Variants in ANKRD28 observed in about 807,000 individuals in gnomAD.
The protein encoded by ANKRD28 is ankyrin repeat domain 28, also known as serine/threonine-protein phosphatase 6 regulatory ankyrin repeat subunit A.
A neutral mutation model predicts 126.5 loss-of-function variants in ANKRD28; 44 were observed. The observed-to-expected ratio is 0.35, with a 90% CI of 0.27 to 0.45. The LOEUF (loss-of-function observed/expected upper bound fraction) is 0.45. ANKRD28 is among the 20% of genes least tolerant of loss of function. The pLI is 1.00. For missense variants in ANKRD28, 1,110 were observed against 1,316.6 expected (o/e 0.84, Z 2.43); for synonymous variants, 442 against 468.5 (o/e 0.94, Z 0.73).
chr3:15,671,247 CCACAAAGTGTCAA>C (rs1465084959), intron 27 of ANKRD28, among the ~76,000 whole-genome samples: 1 of 152,098 alleles, frequency 6.6e-6, no homozygotes, highest in African/African-American at 2.4e-5. Context: ...TCGTAAGTTA[CCACAAAGTGTCAA>C]CACAGCAAAC....
intron 1 of ANKRD28, among the ~76,000 whole-genome samples, chr3:15,844,289 A>C (rs1425312783): frequency 6.6e-6 from 1 of 152,186 alleles, no homozygotes; most frequent in African/African-American, 2.4e-5. Context: ...TATTATACAT[A>C]ATGTTGCTCA....
intron 11 of ANKRD28, 92 bp from the exon 12 acceptor site, chr3:15,711,366 C>G (rs2072253264): frequency 1.6e-5 from 18 of 1,091,788 alleles, no homozygotes; most frequent in Middle Eastern, 2.6e-4. Context: ...ATCCTCCCCT[C>G]CAATCCCAAA....
At chr3:15,785,699 A>AT (rs144825505) in intron 2 of ANKRD28, among the ~76,000 whole-genome samples, 9,512 of 152,140 alleles carry the variant, frequency 0.063, 411 homozygotes, top group Middle Eastern at 0.14. Context: ...CAATCATGTT[A>AT]TTTGATTTTA....
intron 6 of ANKRD28, among the ~76,000 whole-genome samples, chr3:15,725,180 T>C (rs545302776): frequency 8.5e-5 from 13 of 152,292 alleles, no homozygotes; most frequent in Middle Eastern, 3.4e-3. Context: ...ACTATTTACA[T>C]TGTATTAGGT....
chr3:15,680,603 T>TA (rs549935194), intron 21 of ANKRD28, among the ~76,000 whole-genome samples: 1 of 152,178 alleles, frequency 6.6e-6, no homozygotes, highest in East Asian at 1.9e-4. Context: ...ATTGCTAGTT[T>TA]AAAAAAATTC....
At chr3:15,677,091 G>T in intron 25 of ANKRD28, 35 bp from the exon 26 acceptor site, 1 of 1,553,266 alleles carries the variant, frequency 6.4e-7, no homozygotes, top group Non-Finnish European at 8.9e-7. Flanking sequence ...AAAAACTTGA[G>T]CACCATTAAA....
chr3:15,822,616 A>G (rs2060969062), intron 1 of ANKRD28, among the ~76,000 whole-genome samples: 1 of 152,162 alleles, frequency 6.6e-6, no homozygotes, highest in African/African-American at 2.4e-5. Flanking sequence ...GTCCCAGAGG[A>G]AGGCCAGACA....
rs934918294 is a variant in ANKRD28, at chr3:15,803,992, A to T, written c.28-8686T>A. Among the ~76,000 whole-genome samples, 13 of 145,328 alleles carry T rather than the reference A, an allele frequency of 8.9e-5. 1 individual carries two copies. Among genetic ancestry groups the T allele is most frequent in the African/African-American group, 3.3e-4 (13 of 38,838 alleles). On this transcript the variant is annotated intron_variant, in intron 1 of 27. Coordinates refer to the ANKRD28 transcript ENST00000399451. ...GAATGGTGAGATCTGGCTCAATTCT[A>T]CTCAATCCAGTACACTGAAATTATC...
intron 1 of ANKRD28, among the ~76,000 whole-genome samples, chr3:15,850,146 T>C (rs2061606046): frequency 1.4e-5 from 2 of 146,476 alleles, no homozygotes; most frequent in Admixed American, 1.4e-4. Context: ...AAAGATTACC[T>C]TTTTCAACAA....
rs1283098036 is a variant in ANKRD28, at chr3:15,686,324, T to G, written c.1964-15A>C. 5 of 1,534,960 alleles carry G rather than the reference T, an allele frequency of 3.3e-6. No individual in the cohort carries two copies. Among genetic ancestry groups the G allele is most frequent in the Non-Finnish European group, 4.4e-6 (5 of 1,127,352 alleles). On this transcript the variant is annotated splice_polypyrimidine_tract_variant and intron_variant, in intron 18 of 27. Coordinates refer to ENST00000683139, the MANE Select transcript of ANKRD28 (RefSeq NM_001349278.2). ...ACCATTTGTTGCTGTAAAGTGAAAT[T>G]TAAACATTTCAGTAATTACATATAA...
intron 18 of ANKRD28, among the ~76,000 whole-genome samples, chr3:15,687,083 C>T (rs867817702): frequency 6.6e-6 from 1 of 151,942 alleles, no homozygotes; most frequent in African/African-American, 2.4e-5. Flanking sequence ...GCTGGGATTA[C>T]AGGCGCCTGC....
At chr3:15,757,682 G>A (rs77973976) in intron 3 of ANKRD28, among the ~76,000 whole-genome samples, 7,730 of 152,092 alleles carry the variant, frequency 0.051, 652 homozygotes, top group African/African-American at 0.17. Flanking sequence ...TAAGAAGTGG[G>A]CCCTCACCAG....
intron 24 of ANKRD28, among the ~76,000 whole-genome samples, chr3:15,677,813 A>C (rs9879240): frequency 0.041 from 6,276 of 152,244 alleles, 418 homozygotes; most frequent in African/African-American, 0.14. Context: ...CTAAATTTTA[A>C]ATACTGTTTT....
intron 18 of ANKRD28, 105 bp downstream of exon 18, chr3:15,689,914 A>G: frequency 9.3e-7 from 1 of 1,076,606 alleles, no homozygotes; most frequent in Non-Finnish European, 1.3e-6. Flanking sequence ...AAAAAAAAAA[A>G]GGTCAAAATT....
At chr3:15,773,292 G>T (rs1369703338) in intron 2 of ANKRD28, among the ~76,000 whole-genome samples, 1 of 152,110 alleles carries the variant, frequency 6.6e-6, no homozygotes, top group Non-Finnish European at 1.5e-5. Context: ...AAAAGAGAAA[G>T]AAGGAAAATA....
intron 9 of ANKRD28, among the ~76,000 whole-genome samples, 175 bp downstream of exon 9, chr3:15,714,403 G>A (rs1233820329): frequency 6.6e-6 from 1 of 151,882 alleles, no homozygotes; most frequent in Non-Finnish European, 1.5e-5. Flanking sequence ...GAAAGATACA[G>A]CTACGTGGTA....
intron 1 of ANKRD28, among the ~76,000 whole-genome samples, chr3:15,850,213 A>ATATATATATG: frequency 1.3e-5 from 1 of 79,594 alleles, no homozygotes; most frequent in East Asian, 4.7e-4. Flanking sequence ...AAATATATAT[A>ATATATATATG]TATATATATA....
At chr3:15,764,495 A>G (rs1397831106) in intron 3 of ANKRD28, among the ~76,000 whole-genome samples, 1 of 152,036 alleles carries the variant, frequency 6.6e-6, no homozygotes, top group African/African-American at 2.4e-5. Flanking sequence ...GATTAAGTCA[A>G]CTTTGAGCAT....
chr3:15,803,056 G>C (rs2060496331), intron 1 of ANKRD28, among the ~76,000 whole-genome samples: 1 of 152,242 alleles, frequency 6.6e-6, no homozygotes, highest in Non-Finnish European at 1.5e-5. Context: ...CATGCAGTTG[G>C]AGAAGTGGGT....
Sources: allele counts gnomAD v4.1 joint callset (sites outside exome capture counted in the v4.1 genomes callset), GRCh38; gene constraint gnomAD v4.1.1; transcripts MANE v1.5; gene names NCBI Gene and HGNC (gene_info 2026-07-23, HGNC 2026-07-21).